The following CLVS1 variants were observed in gnomAD, a reference collection of about 807,000 sequenced individuals.
CLVS1 encodes clavesin 1.
A neutral mutation model predicts 33.1 loss-of-function variants in CLVS1; 10 were observed. That is an observed-to-expected ratio of 0.30 (90% CI 0.19 to 0.51). The LOEUF is 0.51. CLVS1 is among the 20% of genes least tolerant of loss of function. The probability of loss-of-function intolerance (pLI) is 0.97; values close to 1 mark genes in which losing one functional copy is unlikely to be tolerated. For missense variants in CLVS1, 343 were observed against 433.4 expected (o/e 0.79, Z 1.85); for synonymous variants, 163 against 166.1 (o/e 0.98, Z 0.14).
At chr8:61,164,159 G>A (rs182948210) in intron 2 of CLVS1, among the ~76,000 whole-genome samples, 5 of 152,218 alleles carry the variant, frequency 3.3e-5, no homozygotes, top group East Asian at 1.9e-4. Context: ...TTTGTCTGGC[G>A]TGAACTGAGT....
the CLVS1 span, among the ~76,000 whole-genome samples, chr8:61,011,794 G>A: frequency 4.6e-5 from 7 of 152,088 alleles, no homozygotes; most frequent in Non-Finnish European, 8.8e-5. Flanking sequence ...GACCAATTTC[G>A]GTGCCATGTT....
chr8:61,044,135 T>C, the CLVS1 span, among the ~76,000 whole-genome samples: 13 of 152,174 alleles, frequency 8.5e-5, no homozygotes, highest in Admixed American at 8.5e-4. Context: ...CTGTTTAGAC[T>C]ATATGATCCA....
chr8:61,478,344 A>G (rs932916755), intron 5 of CLVS1, among the ~76,000 whole-genome samples: 3 of 152,192 alleles, frequency 2.0e-5, no homozygotes, highest in African/African-American at 7.2e-5. Context: ...CACTTGGTTC[A>G]GAGCTGAGTT....
At chr8:61,480,800 G>T (rs975757210) in intron 5 of CLVS1, among the ~76,000 whole-genome samples, 2 of 152,116 alleles carry the variant, frequency 1.3e-5, no homozygotes, top group South Asian at 4.1e-4. Flanking sequence ...ATACAGACGT[G>T]CATGGGCTTG....
Position 61,376,773 on chromosome 8 carries a change from G to T in CLVS1, c.624G>T (p.Gly208=). The T allele has an allele frequency of 6.2e-7, 1 of 1,613,578 alleles. No homozygotes were observed. Among genetic ancestry groups the T allele is most frequent in the Non-Finnish European group, 8.5e-7 (1 of 1,179,682 alleles). The change falls in exon 3 of 6, where the codon GGG becomes GGT. Residue 208 remains glycine, a synonymous_variant. Coordinates refer to ENST00000325897, the MANE Select transcript of CLVS1 (RefSeq NM_173519.3). ...CAATCCTTAAACTGGCCATTGAAGG[G>T]TTGCAGGTATGTTCAATGAATGCGC... ...TPSILKLAIE[G]LQDSFPARFG...
chr8:60,966,353 T>A, the CLVS1 span: 1 of 455,584 alleles, frequency 2.2e-6, no homozygotes, highest in Admixed American at 2.4e-5. Flanking sequence ...TTCACGGAGA[T>A]GACAAGAATC....
chr8:61,002,844 A>C, the CLVS1 span, among the ~76,000 whole-genome samples: 1 of 152,162 alleles, frequency 6.6e-6, no homozygotes, highest in African/African-American at 2.4e-5. Flanking sequence ...AGGATCATAT[A>C]TGGTGGAGGG....
chr8:60,991,802 A>G, the CLVS1 span, among the ~76,000 whole-genome samples: 1 of 143,158 alleles, frequency 7.0e-6, no homozygotes, highest in East Asian at 2.0e-4. Flanking sequence ...GCTGGAGTGC[A>G]GTGGCATGAT....
intron 3 of CLVS1, among the ~76,000 whole-genome samples, chr8:61,409,980 C>T (rs2129603981): frequency 6.7e-6 from 1 of 149,236 alleles, no homozygotes; most frequent in Admixed American, 6.7e-5. Flanking sequence ...TTTTTCTTAA[C>T]TTATATTAAG....
intron 2 of CLVS1, among the ~76,000 whole-genome samples, chr8:61,309,681 C>T (rs1370008789): frequency 2.0e-5 from 3 of 152,232 alleles, no homozygotes; most frequent in African/African-American, 7.2e-5. Flanking sequence ...GATGGATACG[C>T]TGAAGACAGC....
chr8:61,021,372 A>G, the CLVS1 span, among the ~76,000 whole-genome samples: 2 of 151,836 alleles, frequency 1.3e-5, no homozygotes, highest in Non-Finnish European at 2.9e-5. Context: ...TGTTTTTGAG[A>G]TGGAGTCCCG....
At chr8:61,017,590 A>G in the CLVS1 span, among the ~76,000 whole-genome samples, 3 of 152,214 alleles carry the variant, frequency 2.0e-5, no homozygotes, top group African/African-American at 7.2e-5. Context: ...GCCCTTAACC[A>G]CTAATAGCTG....
chr8:61,428,777 G>A (rs1335361403), intron 3 of CLVS1, among the ~76,000 whole-genome samples: 1 of 152,144 alleles, frequency 6.6e-6, no homozygotes, highest in African/African-American at 2.4e-5. Context: ...CAGAACCTTT[G>A]TACAAGAAAA....
rs140443057 is a variant in CLVS1, at chr8:61,350,877, A to C, written c.456-25728A>C. On this transcript the variant is annotated intron_variant, in intron 2 of 5. Coordinates refer to ENST00000325897, the MANE Select transcript of CLVS1 (RefSeq NM_173519.3). ...GGCTGTGGAGTTGAATAGTGATTATATACCGCCACTCTGGTAGACATGGTG... is the reference window on the plus strand; with the variant it reads ...GGCTGTGGAGTTGAATAGTGATTATCTACCGCCACTCTGGTAGACATGGTG... 1.8e-3 allele frequency among the ~76,000 whole-genome samples: 270 copies of C among 152,188 alleles called. 6 individuals are homozygous for C. In the East Asian group the frequency reaches 0.046, roughly 26 times the overall value.
intron 2 of CLVS1, among the ~76,000 whole-genome samples, chr8:61,183,272 G>C (rs1287461635): frequency 6.6e-6 from 1 of 152,138 alleles, no homozygotes; most frequent in East Asian, 1.9e-4. Context: ...ACGTTTACCT[G>C]TGTAACAAAC....
intron 2 of CLVS1, among the ~76,000 whole-genome samples, chr8:61,237,796 G>C (rs1196632107): frequency 6.6e-6 from 1 of 150,718 alleles, no homozygotes; most frequent in Non-Finnish European, 1.5e-5. Context: ...GACCAAGAAA[G>C]GTTGGGGCCT....
intron 2 of CLVS1, among the ~76,000 whole-genome samples, chr8:61,374,546 T>C (rs1813566976): frequency 6.6e-6 from 1 of 152,188 alleles, no homozygotes; most frequent in South Asian, 2.1e-4. Context: ...GCTGTATCTC[T>C]GAAAAAGACT....
chr8:61,397,094 A>G (rs1340384115), intron 3 of CLVS1, among the ~76,000 whole-genome samples: 1 of 152,158 alleles, frequency 6.6e-6, no homozygotes, highest in Admixed American at 6.5e-5. Context: ...TATATTTAAC[A>G]TTTTGAGAAA....
chr8:61,376,352 G>A (rs959441610), intron 2 of CLVS1, among the ~76,000 whole-genome samples: 1 of 152,224 alleles, frequency 6.6e-6, no homozygotes, highest in African/African-American at 2.4e-5. Flanking sequence ...GAAAGCCACA[G>A]GAACACAGAA....
Sources: allele counts gnomAD v4.1 joint callset (sites outside exome capture counted in the v4.1 genomes callset), GRCh38; gene constraint gnomAD v4.1.1; transcripts MANE v1.5; gene names NCBI Gene and HGNC (gene_info 2026-07-23, HGNC 2026-07-21).